CADPS2: variants seen among roughly 807,000 people sequenced by gnomAD.
CADPS2 encodes calcium dependent secretion activator 2, also known as calcium-dependent secretion activator 2.
Under a neutral mutation model 172.5 loss-of-function variants are expected in CADPS2, and 93 were observed. The observed-to-expected ratio is 0.54, with a 90% CI of 0.46 to 0.64. The LOEUF is 0.64. Among genes scored for constraint, CADPS2 ranks in the 30% least tolerant of loss-of-function variants. The pLI, the probability that CADPS2 is intolerant of heterozygous loss-of-function variation, is 0.00. For missense variants in CADPS2, 1,420 were observed against 1,565.9 expected (o/e 0.91, Z 1.57); for synonymous variants, 546 against 555.2 (o/e 0.98, Z 0.23).
Position 122,513,249 on chromosome 7 carries a change from C to A in CADPS2, c.1542G>T (p.Gln514His). The A allele has an allele frequency of 6.4e-7, 1 of 1,555,906 alleles. No homozygotes were observed. The highest frequency in any genetic ancestry group is 1.2e-5 in the South Asian group (1 of 84,494). The change falls in exon 9 of 30, where the codon CAG becomes CAT. Residue 514 changes from glutamine to histidine, a missense_variant and splice_region_variant. Physicochemically the swap from Gln to His is conservative, Grantham distance 24. Coordinates refer to ENST00000449022, the MANE Select transcript of CADPS2 (RefSeq NM_017954.11). Reference protein sequence around the residue: ...RWKKRYFVLVQVSQYTFAMCS... With the variant: ...RWKKRYFVLVHVSQYTFAMCS... ...TATTTAACAGGAAAAAATGACTAAC[C>A]TGAACTAGAACAAAGTAACGTTTTT...
intron 7 of CADPS2, among the ~76,000 whole-genome samples, chr7:122,563,864 C>T (rs149832113): frequency 3.9e-5 from 6 of 152,226 alleles, no homozygotes; most frequent in African/African-American, 1.2e-4. Context: ...AAACCAACTA[C>T]AGGTTGTGCA....
At chr7:122,669,519 G>A (rs1035491871) in intron 2 of CADPS2, among the ~76,000 whole-genome samples, 9 of 151,944 alleles carry the variant, frequency 5.9e-5, no homozygotes, top group African/African-American at 2.2e-4. Flanking sequence ...GGAAGTCTAG[G>A]AAGTGATGTA....
At chr7:122,505,622 C>T (rs1024515785) in intron 9 of CADPS2, among the ~76,000 whole-genome samples, 41 of 152,198 alleles carry the variant, frequency 2.7e-4, no homozygotes, top group African/African-American at 8.2e-4. Context: ...ACAAAGAGTA[C>T]AGATGGAAGA....
intron 7 of CADPS2, among the ~76,000 whole-genome samples, chr7:122,564,853 A>G (rs13235533): frequency 1.5e-5 from 2 of 137,458 alleles, no homozygotes; most frequent in Non-Finnish European, 1.6e-5. Context: ...ACATGCACAC[A>G]CACACACACA....
chr7:122,679,999 A>T (rs955371373), intron 2 of CADPS2, among the ~76,000 whole-genome samples: 1 of 152,214 alleles, frequency 6.6e-6, no homozygotes, highest in Non-Finnish European at 1.5e-5. Flanking sequence ...AGCTTGACCT[A>T]TGTACAGGAA....
At chr7:122,670,507 T>A (rs2135538809) in intron 2 of CADPS2, among the ~76,000 whole-genome samples, 1 of 151,944 alleles carries the variant, frequency 6.6e-6, no homozygotes, top group Non-Finnish European at 1.5e-5. Flanking sequence ...GGAGTTCTTT[T>A]TTTTTTTTGA....
chr7:122,661,650 C>T (rs1187965498), intron 3 of CADPS2, among the ~76,000 whole-genome samples: 1 of 152,142 alleles, frequency 6.6e-6, no homozygotes, highest in African/African-American at 2.4e-5. Context: ...AAAAGCTGGG[C>T]AAGCTGCAAA....
Position 122,446,963 on chromosome 7 carries a change from T to A in CADPS2, c.2288+4411A>T, listed in dbSNP as rs116300922. 6.4e-3 allele frequency among the ~76,000 whole-genome samples: 978 copies of A among 152,120 alleles called. 8 individuals carry two copies. The highest frequency in any genetic ancestry group is 0.027 in the Middle Eastern group (8 of 294). On this transcript the variant is annotated intron_variant, in intron 15 of 29. Coordinates refer to ENST00000449022, the MANE Select transcript of CADPS2 (RefSeq NM_017954.11). Reference sequence around the variant, plus strand: ...TTTTTTCCCATTTTTGGGGCCTTTTTAAATTGTTTTGGGTGGGAGGCTAAA... The same window carrying A: ...TTTTTTCCCATTTTTGGGGCCTTTTAAAATTGTTTTGGGTGGGAGGCTAAA...
chr7:122,557,441 G>A (rs552289683), intron 7 of CADPS2, among the ~76,000 whole-genome samples: 1 of 152,176 alleles, frequency 6.6e-6, no homozygotes, highest in South Asian at 2.1e-4. Flanking sequence ...TTACTGCCAT[G>A]CGTTTCCCAT....
At chr7:122,363,471 T>C (rs963615828) in intron 25 of CADPS2, among the ~76,000 whole-genome samples, 4 of 152,000 alleles carry the variant, frequency 2.6e-5, no homozygotes, top group African/African-American at 9.7e-5. Context: ...CAAAGCAAGA[T>C]AGAGGCAGGA....
intron 6 of CADPS2, among the ~76,000 whole-genome samples, chr7:122,613,375 T>C (rs1164173764): frequency 1.3e-5 from 2 of 152,118 alleles, no homozygotes; most frequent in Non-Finnish European, 2.9e-5. Flanking sequence ...CACTTGATAC[T>C]GGCATTGCAC....
chr7:122,795,566 A>C (rs1796189872), intron 1 of CADPS2, among the ~76,000 whole-genome samples: 1 of 152,210 alleles, frequency 6.6e-6, no homozygotes, highest in South Asian at 2.1e-4. Context: ...CAACATACAC[A>C]AGTCAATAAA....
chr7:122,587,092 T>G (rs1208765721), intron 6 of CADPS2, among the ~76,000 whole-genome samples: 1 of 151,964 alleles, frequency 6.6e-6, no homozygotes, highest in Non-Finnish European at 1.5e-5. Context: ...TGATTTTTCA[T>G]GCTGAATTTT....
intron 2 of CADPS2, chr7:122,702,423 A>C: frequency 1.2e-6 from 2 of 1,613,794 alleles, no homozygotes; most frequent in Non-Finnish European, 1.7e-6. Context: ...GTAAAAGTAC[A>C]GCCTCCACGT....
chr7:122,468,669 AG>A (rs2055492245), intron 14 of CADPS2, among the ~76,000 whole-genome samples: 2 of 152,154 alleles, frequency 1.3e-5, no homozygotes, highest in South Asian at 4.1e-4. Flanking sequence ...AGTTTCAGAA[AG>A]GTTAAGTGAT....
At chr7:122,842,931 G>C (rs1395175637) in intron 1 of CADPS2, among the ~76,000 whole-genome samples, 1 of 152,152 alleles carries the variant, frequency 6.6e-6, no homozygotes, top group Non-Finnish European at 1.5e-5. Context: ...AGCCTTCAAA[G>C]CCTTTCAGTG....
At chr7:122,851,888 G>C (rs1813749936) in intron 1 of CADPS2, among the ~76,000 whole-genome samples, 2 of 152,136 alleles carry the variant, frequency 1.3e-5, no homozygotes, top group African/African-American at 4.8e-5. Context: ...ACACAGCCAA[G>C]CCATATCAGA....
chr7:122,861,294 TTCTAAC>T (rs2141290500), intron 1 of CADPS2, among the ~76,000 whole-genome samples: 1 of 152,346 alleles, frequency 6.6e-6, no homozygotes, highest in African/African-American at 2.4e-5. Context: ...ATAATAGCCA[TTCTAAC>T]TTGGGTGAGA....
chr7:122,347,376 C>A (rs1252478249), intron 27 of CADPS2, among the ~76,000 whole-genome samples: 1 of 152,016 alleles, frequency 6.6e-6, no homozygotes, highest in African/African-American at 2.4e-5. Flanking sequence ...GCATGTCTTA[C>A]TTATTCCATT....
Sources: allele counts gnomAD v4.1 joint callset (sites outside exome capture counted in the v4.1 genomes callset), GRCh38; gene constraint gnomAD v4.1.1; transcripts MANE v1.5; gene names NCBI Gene and HGNC (gene_info 2026-07-23, HGNC 2026-07-21).